Variants in HTR1F observed in about 807,000 individuals in gnomAD.
The protein encoded by HTR1F is 5-hydroxytryptamine receptor 1F.
In HTR1F, 17 loss-of-function variants were observed where a neutral mutation model predicts 24.0. The observed-to-expected ratio is 0.71, with a 90% CI of 0.48 to 1.06. The LOEUF (loss-of-function observed/expected upper bound fraction) is 1.06. Among genes scored for constraint, HTR1F ranks in the 50% least tolerant of loss-of-function variants. The pLI is 0.00. For synonymous variants in HTR1F, 186 were observed against 156.8 expected, an observed-to-expected ratio of 1.19 and a Z score of -1.39; for missense variants, 391 against 427.8, an observed-to-expected ratio of 0.91 and a Z score of 0.76.
Position 87,816,126 on chromosome 3 carries a change from T to C in HTR1F, c.-159-5882T>C, listed in dbSNP as rs75021300. Among the ~76,000 whole-genome samples, 361 of 152,164 alleles carry C rather than the reference T, an allele frequency of 2.4e-3. 5 individuals carry two copies. The highest frequency in any genetic ancestry group is 4.6e-4 in the Non-Finnish European group (31 of 67,906). On this transcript the variant is annotated intron_variant, in intron 1 of 2. Coordinates refer to ENST00000319595, the MANE Select transcript of HTR1F (RefSeq NM_001322209.2). The stretch of plus-strand genomic sequence containing the variant: ...ATTCTATGCAAGAAGAGGGGCTTAA[T>C]TGAGTGGCTAAATATCACTCTCTTC...
intron 2 of HTR1F, among the ~76,000 whole-genome samples, chr3:87,883,317 G>A (rs1705853488): frequency 6.6e-6 from 1 of 152,274 alleles, no homozygotes; most frequent in East Asian, 1.9e-4. Flanking sequence ...CCATCTGTAA[G>A]TCATCAACCT....
intron 2 of HTR1F, among the ~76,000 whole-genome samples, chr3:87,925,543 T>A (rs1053931076): frequency 3.9e-5 from 6 of 152,192 alleles, no homozygotes; most frequent in East Asian, 3.9e-4. Context: ...AGGAGGGTCT[T>A]GGGAATGTGG....
At chr3:87,872,751 T>C (rs895335817) in intron 2 of HTR1F, among the ~76,000 whole-genome samples, 4 of 151,792 alleles carry the variant, frequency 2.6e-5, no homozygotes, top group African/African-American at 9.7e-5. Context: ...CATGAATAAA[T>C]AGAAAATTTG....
intron 2 of HTR1F, among the ~76,000 whole-genome samples, chr3:87,873,200 T>C (rs997235503): frequency 2.6e-5 from 4 of 151,960 alleles, no homozygotes; most frequent in African/African-American, 9.7e-5. Flanking sequence ...AGTGCCATTA[T>C]CTGCCATCTG....
At chr3:87,867,011 T>G (rs2107243515) in intron 2 of HTR1F, among the ~76,000 whole-genome samples, 1 of 152,084 alleles carries the variant, frequency 6.6e-6, no homozygotes, top group East Asian at 1.9e-4. Context: ...AACAAAATAC[T>G]GATGCAATAT....
intron 2 of HTR1F, among the ~76,000 whole-genome samples, chr3:87,886,929 C>T (rs1241304040): frequency 6.6e-6 from 1 of 152,098 alleles, no homozygotes; most frequent in African/African-American, 2.4e-5. Context: ...CAATGCCATC[C>T]CCATCAAGCT....
chr3:87,957,648 G>T (rs1482933019), intron 2 of HTR1F, among the ~76,000 whole-genome samples: 1 of 151,138 alleles, frequency 6.6e-6, no homozygotes, highest in African/African-American at 2.4e-5. Context: ...ATCTTTCAAG[G>T]AATTTGTCCA....
chr3:87,903,038 T>C (rs1013959903), intron 2 of HTR1F, among the ~76,000 whole-genome samples: 52 of 151,378 alleles, frequency 3.4e-4, no homozygotes, highest in African/African-American at 1.2e-3. Flanking sequence ...GATTCCCTAT[T>C]TAATAAATGG....
chr3:87,918,174 T>C (rs547143991), intron 2 of HTR1F, among the ~76,000 whole-genome samples: 2 of 152,176 alleles, frequency 1.3e-5, no homozygotes, highest in South Asian at 4.1e-4. Context: ...CCAGCATCCC[T>C]TTATGATTAA....
intron 2 of HTR1F, among the ~76,000 whole-genome samples, chr3:87,856,952 T>C (rs1360510667): frequency 1.3e-5 from 2 of 152,182 alleles, no homozygotes; most frequent in African/African-American, 4.8e-5. Context: ...GTGTACCAGC[T>C]GCCACTGATT....
intron 2 of HTR1F, among the ~76,000 whole-genome samples, chr3:87,981,625 A>G (rs1436649900): frequency 6.6e-6 from 1 of 152,048 alleles, no homozygotes; most frequent in African/African-American, 2.4e-5. Flanking sequence ...CTTCCTTTAC[A>G]TTCCACCCCA....
chr3:87,897,571 G>C (rs1162288286), intron 2 of HTR1F, among the ~76,000 whole-genome samples: 1 of 151,976 alleles, frequency 6.6e-6, no homozygotes, highest in African/African-American at 2.4e-5. Flanking sequence ...ACTTACATCT[G>C]TCCTATGAAG....
intron 2 of HTR1F, among the ~76,000 whole-genome samples, chr3:87,965,805 C>T (rs920058845): frequency 2.6e-5 from 4 of 152,186 alleles, no homozygotes; most frequent in African/African-American, 9.7e-5. Context: ...CCTGTGAATT[C>T]TTCTTCAAGT....
intron 2 of HTR1F, among the ~76,000 whole-genome samples, chr3:87,919,914 T>A (rs1288062185): frequency 1.3e-5 from 2 of 151,818 alleles, no homozygotes; most frequent in Non-Finnish European, 2.9e-5. Flanking sequence ...AAAATACTCA[T>A]ACATGCATGT....
At chr3:87,860,150 A>T (rs1459390506) in intron 2 of HTR1F, among the ~76,000 whole-genome samples, 1 of 152,178 alleles carries the variant, frequency 6.6e-6, no homozygotes, top group Admixed American at 6.6e-5. Context: ...ATCTGCATAT[A>T]CCATTTTACA....
At chr3:87,824,742 C>A (rs1018995627) in intron 2 of HTR1F, among the ~76,000 whole-genome samples, 1 of 152,134 alleles carries the variant, frequency 6.6e-6, no homozygotes, top group Non-Finnish European at 1.5e-5. Context: ...CACATTATTT[C>A]TTTACGAAAT....
rs963774192 is a variant in HTR1F at position 87,991,376 on chromosome 3, G to T, written c.627G>T (p.Lys209Asn). 6.2e-7 allele frequency: 1 copy of T among 1,613,960 alleles called. No homozygotes were observed. Among genetic ancestry groups the T allele is most frequent in the Admixed American group, 1.7e-5 (1 of 60,012 alleles). The change falls in exon 3 of 3, where the codon AAG becomes AAT. Residue 209 changes from lysine (K) to asparagine (N), a missense_variant. Lys to Asn is a moderately conservative substitution (Grantham distance 94). Transcript: ENST00000319595. ...ILYYKIYRAA[K>N]TLYHKRQASR... ...ACTACAAAATATATAGAGCAGCAAA[G>T]ACATTATACCACAAGAGACAAGCAA...
intron 2 of HTR1F, among the ~76,000 whole-genome samples, chr3:87,879,290 G>T (rs1203871446): frequency 6.6e-6 from 1 of 152,142 alleles, no homozygotes; most frequent in Non-Finnish European, 1.5e-5. Flanking sequence ...CACCCTGAGA[G>T]TATAATGCAT....
At chr3:87,894,559 CTTTTTTTTTTTTTT>C (rs35190252) in intron 2 of HTR1F, among the ~76,000 whole-genome samples, 1 of 74,658 alleles carries the variant, frequency 1.3e-5, no homozygotes, top group African/African-American at 6.1e-5. Context: ...TGCCCAGCCT[CTTTTTTTTTTTTTT>C]TTTTTTTTTT....
Sources: allele counts gnomAD v4.1 joint callset (sites outside exome capture counted in the v4.1 genomes callset), GRCh38; gene constraint gnomAD v4.1.1; transcripts MANE v1.5; gene names NCBI Gene and HGNC (gene_info 2026-07-23, HGNC 2026-07-21).